Variants in RIMS1 observed in about 807,000 individuals in gnomAD.
RIMS1 encodes the protein regulating synaptic membrane exocytosis 1, also known as regulating synaptic membrane exocytosis protein 1.
In RIMS1, 83 loss-of-function variants were observed where a neutral mutation model predicts 214.1. The observed-to-expected ratio is 0.39, with a 90% CI of 0.32 to 0.47. The LOEUF (loss-of-function observed/expected upper bound fraction) is 0.47, where lower values mean the gene tolerates loss of function less well. Among genes scored for constraint, RIMS1 ranks in the 20% least tolerant of loss-of-function variants. RIMS1 has a pLI of 0.99. For missense variants in RIMS1, 2,050 were observed against 2,161.8 expected (o/e 0.95, Z 1.03); for synonymous variants, 793 against 786.8 (o/e 1.01, Z -0.13).
At chr6:72,324,757 T>A (rs2096371915) in intron 28 of RIMS1, among the ~76,000 whole-genome samples, 1 of 151,862 alleles carries the variant, frequency 6.6e-6, no homozygotes, top group South Asian at 2.1e-4. Context: ...CCTATTATTG[T>A]GAATAAAGGT....
At chr6:72,209,900 CAAAAAAAAAAAAAA>C (rs200401100) in intron 6 of RIMS1, among the ~76,000 whole-genome samples, 70,897 of 117,468 alleles carry the variant, frequency 0.6, 19,032 homozygotes, top group East Asian at 0.85. Flanking sequence ...GACTCTGTCT[CAAAAAAAAAAAAAA>C]AAAAAAAAAA....
At chr6:72,152,133 G>A (rs538161323) in intron 4 of RIMS1, among the ~76,000 whole-genome samples, 4 of 152,286 alleles carry the variant, frequency 2.6e-5, no homozygotes, top group South Asian at 4.1e-4. Context: ...ATTTCACCAT[G>A]AGATTTGGAG....
At chr6:71,949,466 G>C (rs1221670240) in intron 1 of RIMS1, among the ~76,000 whole-genome samples, 1 of 152,098 alleles carries the variant, frequency 6.6e-6, no homozygotes, top group Non-Finnish European at 1.5e-5. Flanking sequence ...CTATGACTGA[G>C]GCTATAGACC....
rs537229175 is a variant in RIMS1 at position 72,376,901 on chromosome 6, G to C, written c.4367-13697G>C. Among the ~76,000 whole-genome samples, 6 of 152,164 alleles carry C rather than the reference G, an allele frequency of 3.9e-5. No individual in the cohort carries two copies. The East Asian group carries it at 9.6e-4, about 24-fold the overall frequency. On this transcript the variant is annotated intron_variant, in intron 29 of 33. Transcript: ENST00000521978. ...GTTCTAATGATAGTTCCTTCAAATG[G>C]ATCAAAATAAAGGATTCATTGTTTA...
chr6:72,356,732 C>T (rs2097660076), intron 29 of RIMS1, among the ~76,000 whole-genome samples: 1 of 151,804 alleles, frequency 6.6e-6, no homozygotes. Context: ...TATACTCCAG[C>T]CTGGGTGACA....
At chr6:72,122,207 C>CTTTTTTTT (rs34948011) in intron 4 of RIMS1, among the ~76,000 whole-genome samples, 5 of 136,320 alleles carry the variant, frequency 3.7e-5, no homozygotes, top group African/African-American at 2.8e-5. Context: ...TTCCTTTTTT[C>CTTTTTTTT]TTTTTTTTTT....
intron 4 of RIMS1, among the ~76,000 whole-genome samples, chr6:72,104,885 A>G (rs760004613): frequency 2.0e-5 from 3 of 152,132 alleles, no homozygotes; most frequent in Non-Finnish European, 4.4e-5. Context: ...GAGTTACTCA[A>G]ATAGACTCTT....
At chr6:72,304,412 G>A (rs1044105249) in intron 26 of RIMS1, among the ~76,000 whole-genome samples, 2 of 151,716 alleles carry the variant, frequency 1.3e-5, no homozygotes, top group African/African-American at 4.8e-5. Context: ...TAGAGAGACA[G>A]TCACATTTCA....
chr6:72,370,262 A>G (rs950042870), intron 29 of RIMS1, among the ~76,000 whole-genome samples: 2 of 152,170 alleles, frequency 1.3e-5, no homozygotes, highest in African/African-American at 4.8e-5. Context: ...TGAAAGTACA[A>G]TTTAAGTAAG....
chr6:72,401,044 ACT>A lies in RIMS1; in HGVS notation c.*334_*335del, dbSNP rs1183261090. 1.3e-5 allele frequency: 3 copies of A among 222,952 alleles called. No homozygotes were observed. The highest frequency in any genetic ancestry group is 6.7e-5 in the African/African-American group (3 of 44,496). The allele number at this position is 222,952 out of a possible 1,614,324, so 13.8% of individuals were successfully genotyped here. On this transcript the variant is annotated 3_prime_UTR_variant, in exon 34 of 34. Coordinates refer to ENST00000521978, the MANE Select transcript of RIMS1 (RefSeq NM_014989.7). Reference sequence around the variant, plus strand: ...ACACACCAAATTGAACAAACTGGAAACTCTCACTCTGTGAAAAGTTGTATTCT... The same window carrying A: ...ACACACCAAATTGAACAAACTGGAAACTCACTCTGTGAAAAGTTGTATTCT...
At chr6:72,127,823 G>A (rs2039819570) in intron 4 of RIMS1, among the ~76,000 whole-genome samples, 1 of 152,188 alleles carries the variant, frequency 6.6e-6, no homozygotes, top group African/African-American at 2.4e-5. Flanking sequence ...GCCTATCACA[G>A]GCAATCTGCT....
chr6:71,986,696 C>A (rs1221869736), intron 2 of RIMS1, among the ~76,000 whole-genome samples: 4 of 152,186 alleles, frequency 2.6e-5, no homozygotes, highest in African/African-American at 9.6e-5. Context: ...TTGAGGGATT[C>A]CATTTGGGAT....
At chr6:72,307,220 C>A in intron 26 of RIMS1, 38 bp from the exon 27 acceptor site, 2 of 1,348,338 alleles carry the variant, frequency 1.5e-6, no homozygotes, top group South Asian at 1.2e-5. Flanking sequence ...AAAGGTTCTT[C>A]ACATGTTTTA....
At chr6:72,021,676 G>T (rs1032346435) in intron 2 of RIMS1, among the ~76,000 whole-genome samples, 2 of 152,080 alleles carry the variant, frequency 1.3e-5, no homozygotes, top group Admixed American at 1.3e-4. Flanking sequence ...TTTCTCTCAG[G>T]TCTAACAAGG....
intron 19 of RIMS1, chr6:72,261,661 G>A: frequency 1.0e-6 from 1 of 985,134 alleles, no homozygotes; most frequent in African/African-American, 1.7e-5. Flanking sequence ...GAAAGAAAGA[G>A]GTATTACCGC....
intron 6 of RIMS1, among the ~76,000 whole-genome samples, chr6:72,211,100 A>G (rs1303404564): frequency 6.6e-6 from 1 of 152,204 alleles, no homozygotes; most frequent in African/African-American, 2.4e-5. Context: ...TAAATATTAT[A>G]TTCTACTACT....
At chr6:72,054,590 T>G (rs1249275363) in intron 2 of RIMS1, among the ~76,000 whole-genome samples, 3 of 152,192 alleles carry the variant, frequency 2.0e-5, no homozygotes, top group Non-Finnish European at 4.4e-5. Flanking sequence ...CAACATCTAT[T>G]GTTTCTTGAC....
intron 28 of RIMS1, among the ~76,000 whole-genome samples, chr6:72,324,617 T>C (rs1255330115): frequency 6.6e-6 from 1 of 151,892 alleles, no homozygotes; most frequent in Non-Finnish European, 1.5e-5. Context: ...ACCAATATCA[T>C]AGAATGAAAG....
intron 23 of RIMS1, among the ~76,000 whole-genome samples, chr6:72,278,028 A>G (rs900112111): frequency 6.6e-6 from 1 of 152,146 alleles, no homozygotes; most frequent in African/African-American, 2.4e-5. Context: ...TATTTTGGTA[A>G]ATGTTTTATT....
Sources: allele counts gnomAD v4.1 joint callset (sites outside exome capture counted in the v4.1 genomes callset), GRCh38; gene constraint gnomAD v4.1.1; transcripts MANE v1.5; gene names NCBI Gene and HGNC (gene_info 2026-07-23, HGNC 2026-07-21).